PLEKHG1: variants seen among roughly 807,000 people sequenced by gnomAD.
The protein encoded by PLEKHG1 is pleckstrin homology domain-containing family G member 1.
In PLEKHG1, 44 loss-of-function variants were observed where a neutral mutation model predicts 100.8. The ratio of observed to expected loss-of-function variants is 0.44; its 90% CI spans 0.34 to 0.56. The LOEUF (loss-of-function observed/expected upper bound fraction) is 0.56. Ranked by LOEUF, PLEKHG1 falls within the 20% of genes least tolerant of loss-of-function variation. The pLI, the probability that PLEKHG1 is intolerant of heterozygous loss-of-function variation, is 0.01. For missense variants in PLEKHG1, 1,545 were observed against 1,720.9 expected, an observed-to-expected ratio of 0.90 and a Z score of 1.81; for synonymous variants, 640 against 662.5, an observed-to-expected ratio of 0.97 and a Z score of 0.52.
chr6:150,744,714 G>C (rs142915692), intron 2 of PLEKHG1, among the ~76,000 whole-genome samples: 1 of 152,278 alleles, frequency 6.6e-6, no homozygotes, highest in African/African-American at 2.4e-5. Context: ...ATCCCTCAGT[G>C]TCACCCTGAG....
intron 10 of PLEKHG1, among the ~76,000 whole-genome samples, chr6:150,816,327 T>A (rs1362824673): frequency 2.1e-5 from 1 of 48,766 alleles, no homozygotes; most frequent in East Asian, 3.9e-4. Context: ...TCAAACATAC[T>A]TTTTTTTTTT....
intron 4 of PLEKHG1, among the ~76,000 whole-genome samples, chr6:150,787,910 C>T (rs113237109): frequency 1.3e-5 from 2 of 152,026 alleles, no homozygotes; most frequent in African/African-American, 4.8e-5. Context: ...CAAAATTGAG[C>T]AGGGATTTGA....
Position 150,621,693 on chromosome 6 carries a change from C to T in PLEKHG1, c.-203-16387C>T, listed in dbSNP as rs1352050188. On this transcript the variant is annotated intron_variant, in intron 1 of 3. Transcript: ENST00000367326. ...CCTGGCTGGCACAAATCACTTTAAA[C>T]ACTATAAGCCCGCAATTTGAAAACT... 2.0e-5 allele frequency among the ~76,000 whole-genome samples: 3 copies of T among 152,132 alleles called. No homozygotes were observed. In the East Asian group the frequency reaches 5.8e-4, roughly 29 times the overall value.
intron 2 of PLEKHG1, among the ~76,000 whole-genome samples, chr6:150,755,007 GCT>G (rs1473210035): frequency 6.8e-6 from 1 of 148,068 alleles, no homozygotes; most frequent in Non-Finnish European, 1.5e-5. Flanking sequence ...ATAGGATCTC[GCT>G]CTGTTACCCA....
chr6:150,830,007 A>G (rs1200646947), intron 14 of PLEKHG1, among the ~76,000 whole-genome samples: 1 of 152,232 alleles, frequency 6.6e-6, no homozygotes, highest in African/African-American at 2.4e-5. Flanking sequence ...TATGCAATGA[A>G]TATTTGCCAA....
chr6:150,643,873 T>C (rs1365793613), intron 2 of PLEKHG1, among the ~76,000 whole-genome samples: 2 of 152,096 alleles, frequency 1.3e-5, no homozygotes, highest in Non-Finnish European at 2.9e-5. Context: ...ATTCTAGGAT[T>C]TTTTCCCCCT....
chr6:150,671,374 T>C (rs1054824636), intron 3 of PLEKHG1, among the ~76,000 whole-genome samples: 1 of 152,228 alleles, frequency 6.6e-6, no homozygotes, highest in South Asian at 2.1e-4. Flanking sequence ...AAGTGTTCCC[T>C]GTTCACTGCA....
At chr6:150,789,282 T>C (rs998877881) in intron 4 of PLEKHG1, among the ~76,000 whole-genome samples, 1 of 152,238 alleles carries the variant, frequency 6.6e-6, no homozygotes, top group African/African-American at 2.4e-5. Flanking sequence ...TCTTTTCTTA[T>C]GATTTATATA....
intron 1 of PLEKHG1, among the ~76,000 whole-genome samples, chr6:150,724,877 G>A (rs1418601043): frequency 6.6e-6 from 1 of 151,908 alleles, no homozygotes; most frequent in Non-Finnish European, 1.5e-5. Context: ...ATTTCTTTAG[G>A]TTCTTTTTCA....
chr6:150,790,745 G>A (rs1483398540), intron 4 of PLEKHG1, among the ~76,000 whole-genome samples: 2 of 152,132 alleles, frequency 1.3e-5, no homozygotes, highest in Non-Finnish European at 2.9e-5. Context: ...ATCTCGGCCG[G>A]GCATGGTGGC....
intron 3 of PLEKHG1, among the ~76,000 whole-genome samples, chr6:150,705,911 T>C (rs1582975532): frequency 6.6e-6 from 1 of 152,322 alleles, no homozygotes; most frequent in African/African-American, 2.4e-5. Context: ...AAAATGCTGC[T>C]GATGAACTAA....
chr6:150,731,085 C>T (rs1782226504), intron 1 of PLEKHG1, among the ~76,000 whole-genome samples: 1 of 152,076 alleles, frequency 6.6e-6, no homozygotes, highest in Admixed American at 6.6e-5. Context: ...TGTGTCCACC[C>T]CTACTTTGGA....
At chr6:150,656,424 G>A (rs975003119) in intron 3 of PLEKHG1, among the ~76,000 whole-genome samples, 3 of 152,276 alleles carry the variant, frequency 2.0e-5, no homozygotes. Flanking sequence ...ATAGGTTTCT[G>A]TTGAAAATGA....
intron 3 of PLEKHG1, among the ~76,000 whole-genome samples, chr6:150,673,558 C>T (rs1779644008): frequency 6.6e-6 from 1 of 152,156 alleles, no homozygotes; most frequent in Non-Finnish European, 1.5e-5. Flanking sequence ...AAAGCCAAAG[C>T]CCTTAATGAA....
At chr6:150,828,525 C>T in intron 14 of PLEKHG1, 1 of 711,330 alleles carries the variant, frequency 1.4e-6, no homozygotes, top group Non-Finnish European at 2.1e-6. Context: ...TGGAAATAAT[C>T]ATTGCTGGAG....
chr6:150,623,807 G>T (rs1777407153), intron 1 of PLEKHG1, among the ~76,000 whole-genome samples: 1 of 152,194 alleles, frequency 6.6e-6, no homozygotes, highest in African/African-American at 2.4e-5. Flanking sequence ...TTACCGTGCT[G>T]CCCTGTGGTA....
chr6:150,794,461 T>A (rs1302596526), intron 4 of PLEKHG1, among the ~76,000 whole-genome samples: 1 of 151,912 alleles, frequency 6.6e-6, no homozygotes. Context: ...AGGCCAGGAG[T>A]TCGAGACCAG....
chr6:150,658,531 A>C (rs953257497), intron 3 of PLEKHG1, among the ~76,000 whole-genome samples: 1 of 152,212 alleles, frequency 6.6e-6, no homozygotes, highest in African/African-American at 2.4e-5. Flanking sequence ...ACTCTTAGTC[A>C]AATGCTTGCC....
At chr6:150,601,735 T>A (rs947278995) in intron 1 of PLEKHG1, among the ~76,000 whole-genome samples, 1 of 152,174 alleles carries the variant, frequency 6.6e-6, no homozygotes, top group African/African-American at 2.4e-5. Flanking sequence ...CCCATCCTTG[T>A]GTAGCAGCCC....
Sources: gnomAD v4.1 joint callset for allele counts (sites outside exome capture counted in the v4.1 genomes callset) on GRCh38, gnomAD v4.1.1 for gene constraint, MANE v1.5 for transcripts, NCBI Gene and HGNC (gene_info 2026-07-23, HGNC 2026-07-21) for gene names.